C9orf85: variants seen among roughly 807,000 people sequenced by gnomAD.
The protein encoded by C9orf85 is chromosome 9 open reading frame 85, also known as uncharacterized protein C9orf85.
In C9orf85, 16 loss-of-function variants were observed where a neutral mutation model predicts 14.9. The observed-to-expected ratio is 1.08, with a 90% CI of 0.73 to 1.63. The LOEUF (loss-of-function observed/expected upper bound fraction) is 1.63, where lower values mean the gene tolerates loss of function less well. C9orf85 is among the 40% of genes most tolerant of loss of function. The probability of loss-of-function intolerance (pLI) is 0.00; values close to 1 mark genes in which losing one functional copy is unlikely to be tolerated. For synonymous variants in C9orf85, 45 were observed against 56.8 expected (o/e 0.79, Z 0.93); for missense variants, 172 against 186.1 (o/e 0.92, Z 0.44).
At chr9:71,914,496 A>T (rs1021673450) in intron 1 of C9orf85, among the ~76,000 whole-genome samples, 1 of 152,130 alleles carries the variant, frequency 6.6e-6, no homozygotes, top group African/African-American at 2.4e-5. Flanking sequence ...ATGATTTGGT[A>T]GGGGTCCTAC....
intron 2 of C9orf85, among the ~76,000 whole-genome samples, chr9:71,956,765 C>T (rs1822391072): frequency 6.6e-6 from 1 of 152,118 alleles, no homozygotes; most frequent in South Asian, 2.1e-4. Flanking sequence ...ACACTTCTCA[C>T]CCCAAATATT....
chr9:71,921,229 G>A (rs906205646), intron 1 of C9orf85, among the ~76,000 whole-genome samples: 1 of 152,144 alleles, frequency 6.6e-6, no homozygotes, highest in Non-Finnish European at 1.5e-5. Context: ...TTTGCATTCT[G>A]TAGAGAATCT....
At chr9:71,976,126 C>T (rs139606185), downstream of C9orf85, among the ~76,000 whole-genome samples, 409 of 152,290 alleles carry the variant, frequency 2.7e-3, 5 homozygotes, top group Middle Eastern at 0.031. Context: ...AGTTCCTCTA[C>T]ATATATTTTT....
intron 1 of C9orf85, among the ~76,000 whole-genome samples, chr9:71,927,225 T>C (rs1439128690): frequency 1.4e-5 from 2 of 145,808 alleles, no homozygotes; most frequent in Non-Finnish European, 3.0e-5. Context: ...TATGGCTCGC[T>C]CATATGTCAG....
intron 1 of C9orf85, among the ~76,000 whole-genome samples, chr9:71,914,510 A>G (rs1359484320): frequency 1.3e-5 from 2 of 152,078 alleles, no homozygotes; most frequent in South Asian, 2.1e-4. Flanking sequence ...GTCCTACATG[A>G]TAGTTTTTCT....
At chr9:71,959,486 A>C (rs1205032215) in intron 2 of C9orf85, among the ~76,000 whole-genome samples, 1 of 152,160 alleles carries the variant, frequency 6.6e-6, no homozygotes, top group Non-Finnish European at 1.5e-5. Context: ...TCTAATAACA[A>C]CCCTGTAGAG....
chr9:71,930,338 A>G (rs1005552844), intron 1 of C9orf85, among the ~76,000 whole-genome samples: 23 of 152,266 alleles, frequency 1.5e-4, no homozygotes, highest in Non-Finnish European at 3.2e-4. Flanking sequence ...ACTCATGCAT[A>G]TAGCTATATT....
chr9:71,923,419 C>T (rs1397403945), intron 1 of C9orf85, among the ~76,000 whole-genome samples: 2 of 152,160 alleles, frequency 1.3e-5, no homozygotes, highest in African/African-American at 4.8e-5. Context: ...CAGGCATATG[C>T]CACCACGCCT....
chr9:71,970,871 G>A (rs1418585293), intron 2 of C9orf85, among the ~76,000 whole-genome samples: 1 of 146,756 alleles, frequency 6.8e-6, no homozygotes, highest in Non-Finnish European at 1.5e-5. Flanking sequence ...CTCTTGCCCA[G>A]GCTGAAGTAC....
chr9:71,963,075 G>A (rs551563523), intron 2 of C9orf85, among the ~76,000 whole-genome samples: 45 of 152,122 alleles, frequency 3.0e-4, no homozygotes, highest in African/African-American at 9.9e-4. Context: ...AAAAGGTTGT[G>A]TTACTATGAC....
chr9:71,984,267 T>C (rs981324954), downstream of C9orf85: 22 of 152,202 alleles, frequency 1.4e-4, 1 homozygote, highest in African/African-American at 5.3e-4. Context: ...ATTCAAAAAT[T>C]AATCTTCATC....
intron 2 of C9orf85, among the ~76,000 whole-genome samples, chr9:71,963,645 G>T (rs932912071): frequency 2.0e-5 from 3 of 152,238 alleles, no homozygotes; most frequent in African/African-American, 7.2e-5. Flanking sequence ...TAGCTGGCCG[G>T]CCCTGCCGCC....
chr9:71,955,625 A>G (rs13286553), intron 2 of C9orf85, among the ~76,000 whole-genome samples: 1 of 152,326 alleles, frequency 6.6e-6, no homozygotes, highest in African/African-American at 2.4e-5. Context: ...ATAGTAGGTT[A>G]CAGTCAGTTT....
rs936454141 is a variant in C9orf85 at position 71,967,276 on chromosome 9, A to G, written c.210-4229A>G. 1.1e-4 allele frequency among the ~76,000 whole-genome samples: 17 copies of G among 152,324 alleles called. 1 individual carries two copies. The highest frequency in any genetic ancestry group is 5.2e-4 in the Admixed American group (8 of 15,292). ...TTTTCCAACATTGTTTGTTGAAAAG[A>G]CTGTCTTTTCTCTATTCAGTTTCCT... On this transcript the variant is annotated intron_variant, in intron 2 of 3. Transcript: ENST00000334731.
intron 1 of C9orf85, among the ~76,000 whole-genome samples, chr9:71,927,447 A>C (rs1414805505): frequency 1.3e-5 from 2 of 152,142 alleles, no homozygotes; most frequent in African/African-American, 4.8e-5. Flanking sequence ...GAAGAGGTAA[A>C]TCTTTTAGAA....
At chr9:71,930,648 A>G (rs553788597) in intron 1 of C9orf85, among the ~76,000 whole-genome samples, 28 of 151,510 alleles carry the variant, frequency 1.8e-4, no homozygotes, top group African/African-American at 6.8e-4. Context: ...TACCAAAAAA[A>G]AAAAAAAATA....
chr9:71,930,859 A>G (rs956644403), intron 1 of C9orf85, among the ~76,000 whole-genome samples: 1 of 151,624 alleles, frequency 6.6e-6, no homozygotes, highest in African/African-American at 2.4e-5. Flanking sequence ...TCACTGATCT[A>G]GAAATTACCC....
At chr9:71,932,095 A>T (rs1359006627) in intron 1 of C9orf85, among the ~76,000 whole-genome samples, 1 of 152,206 alleles carries the variant, frequency 6.6e-6, no homozygotes, top group Non-Finnish European at 1.5e-5. Flanking sequence ...TGTGCTCCTC[A>T]AATCATACAT....
At chr9:71,966,483 T>C (rs1441175231) in intron 2 of C9orf85, among the ~76,000 whole-genome samples, 1 of 152,232 alleles carries the variant, frequency 6.6e-6, no homozygotes. Context: ...AATTTTTCCT[T>C]ACCATTTTAG....
Sources: allele counts gnomAD v4.1 joint callset (sites outside exome capture counted in the v4.1 genomes callset), GRCh38; gene constraint gnomAD v4.1.1; transcripts MANE v1.5; gene names NCBI Gene and HGNC (gene_info 2026-07-23, HGNC 2026-07-21).